The following PKHD1 variants were observed in gnomAD, a reference collection of about 807,000 sequenced individuals.
The protein encoded by PKHD1 is PKHD1 ciliary IPT domain containing fibrocystin/polyductin, also known as fibrocystin.
PKHD1 carries 291 observed loss-of-function variants against 412.0 expected under a neutral mutation model. That is an observed-to-expected ratio of 0.71 (90% CI 0.64 to 0.78). The LOEUF (loss-of-function observed/expected upper bound fraction) is 0.78. Among genes scored for constraint, PKHD1 ranks in the 30% least tolerant of loss-of-function variants. The probability of loss-of-function intolerance (pLI) is 0.00; values close to 1 mark genes in which losing one functional copy is unlikely to be tolerated. For synonymous variants in PKHD1, 1,777 were observed against 1,821.5 expected (o/e 0.98, Z 0.62); for missense variants, 4,825 against 4,950.7 (o/e 0.97, Z 0.76).
chr6:52,069,723 T>C (rs1810314907), intron 10 of PKHD1, among the ~76,000 whole-genome samples, 196 bp from the exon 11 acceptor site: 1 of 152,188 alleles, frequency 6.6e-6, no homozygotes, highest in East Asian at 1.9e-4. Flanking sequence ...AATTATCATA[T>C]GGGAATAATG....
At chr6:52,055,167 T>C (rs1460804193) in intron 19 of PKHD1, among the ~76,000 whole-genome samples, 5 of 152,210 alleles carry the variant, frequency 3.3e-5, no homozygotes, top group Non-Finnish European at 7.3e-5. Flanking sequence ...ATTTAATCTA[T>C]ACCACAGTCC....
chr6:51,645,162 C>A (rs2150353692), intron 63 of PKHD1, among the ~76,000 whole-genome samples: 1 of 152,230 alleles, frequency 6.6e-6, no homozygotes, highest in Non-Finnish European at 1.5e-5. Context: ...ATTATAATTA[C>A]AATACTAACT....
chr6:52,075,664 A>C (rs1811237246), intron 6 of PKHD1, among the ~76,000 whole-genome samples: 1 of 152,198 alleles, frequency 6.6e-6, no homozygotes, highest in African/African-American at 2.4e-5. Flanking sequence ...AAACCCCTAG[A>C]TGAAGACTAG....
chr6:51,921,031 T>G (rs1019361478), intron 37 of PKHD1, among the ~76,000 whole-genome samples: 4 of 152,140 alleles, frequency 2.6e-5, no homozygotes, highest in Admixed American at 2.6e-4. Context: ...CTATTAGTCT[T>G]GCTAGTGGTC....
intron 60 of PKHD1, among the ~76,000 whole-genome samples, chr6:51,722,860 G>A (rs541348603): frequency 2.0e-5 from 3 of 152,000 alleles, no homozygotes; most frequent in South Asian, 2.1e-4. Context: ...TGGAGAAGAC[G>A]TCCCATGAAA....
chr6:51,696,107 T>A (rs1266086170), intron 60 of PKHD1, among the ~76,000 whole-genome samples: 4 of 152,216 alleles, frequency 2.6e-5, no homozygotes, highest in Non-Finnish European at 4.4e-5. Context: ...TTTACAAATA[T>A]GAACATTTAA....
chr6:51,793,450 A>T (rs900318191), intron 52 of PKHD1, among the ~76,000 whole-genome samples: 3 of 152,190 alleles, frequency 2.0e-5, no homozygotes, highest in African/African-American at 7.2e-5. Flanking sequence ...TGCACAGATC[A>T]TCCCATCACT....
intron 25 of PKHD1, among the ~76,000 whole-genome samples, chr6:52,044,377 C>A (rs1320878098): frequency 6.6e-6 from 1 of 152,080 alleles, no homozygotes; most frequent in African/African-American, 2.4e-5. Flanking sequence ...ACAGTGTTTC[C>A]TTATTAAAGG....
At chr6:51,841,564 A>G (rs993782135) in intron 50 of PKHD1, among the ~76,000 whole-genome samples, 1 of 152,214 alleles carries the variant, frequency 6.6e-6, no homozygotes, top group African/African-American at 2.4e-5. Context: ...AATTCTCTAC[A>G]TACTGGTAAA....
Position 51,754,764 on chromosome 6 carries a change from C to A in PKHD1, c.8797+20G>T, listed in dbSNP as rs766264473. Reference sequence around the variant, plus strand: ...TTCCTAGCTCATTCACTTACCTTAACCAACAAACCAAAGCCTTACCAATAT... The same window carrying A: ...TTCCTAGCTCATTCACTTACCTTAAACAACAAACCAAAGCCTTACCAATAT... On this transcript the variant is annotated intron_variant, in intron 56 of 66. Coordinates refer to ENST00000371117, the MANE Select transcript of PKHD1 (RefSeq NM_138694.4). The A allele has an allele frequency of 6.2e-6, 10 of 1,611,030 alleles. No individual in the cohort carries two copies. The Admixed American group carries it at 1.7e-4, about 27-fold the overall frequency.
In PKHD1 at chr6:52,082,502, T is replaced by C. The variant is rs543640706; in HGVS notation, c.171A>G (p.Gln57=). Residue 57 remains glutamine (Q), a synonymous_variant, in exon 4 of 67, where the codon CAA becomes CAG. Coordinates refer to ENST00000371117, the MANE Select transcript of PKHD1 (RefSeq NM_138694.4). ...TCACGTTCACCAGGTGTATCTCCAA[T>C]TGAGAGCCATTGTTGGGGTAAAGAA... ...LGVLYPNNGS[Q]LEIHLVNVNM... is the part of the protein sequence containing the mutation. 2.7e-5 allele frequency: 43 copies of C among 1,614,048 alleles called. No homozygotes were observed. In the South Asian group the frequency reaches 3.8e-4, roughly 14 times the overall value.
chr6:51,847,260 A>ATTTTT (rs981973021), intron 50 of PKHD1, among the ~76,000 whole-genome samples: 3 of 99,992 alleles, frequency 3.0e-5, no homozygotes, highest in Non-Finnish European at 4.1e-5. Context: ...CATGCCCAGC[A>ATTTTT]TTTTTTTTTT....
In PKHD1 at chr6:52,044,706, A is replaced by G. The variant is rs368847754; in HGVS notation, c.2715+260T>C. Among the ~76,000 whole-genome samples the G allele has an allele frequency of 1.1e-4, 17 of 152,374 alleles. No individual in the cohort carries two copies. In the East Asian group the frequency reaches 1.9e-3, roughly 17 times the overall value. Reference sequence around the variant, plus strand: ...GTAGAAGCATAAATCATATTTAGCTATAGAAATTATCAATTTTTTGTACCA... The same window carrying G: ...GTAGAAGCATAAATCATATTTAGCTGTAGAAATTATCAATTTTTTGTACCA... On this transcript the variant is annotated intron_variant, in intron 25 of 66. Coordinates refer to ENST00000371117, the MANE Select transcript of PKHD1 (RefSeq NM_138694.4).
At position 52,025,388 on chromosome 6, in the gene PKHD1, C is replaced by A; in HGVS notation, c.4422G>T (p.Gly1474=). ...LVNGLTSECQ[G]NCTLFIREEA... is the part of the protein sequence containing the mutation. ...CTTCCCTTATGAAAAGAGTGCAATT[C>A]CCCTGACACTCGCTGGTTAGCCCAT... Residue 1474 remains glycine (G), a synonymous_variant, in exon 32 of 67, where the codon GGG becomes GGT. Coordinates refer to ENST00000371117, the MANE Select transcript of PKHD1 (RefSeq NM_138694.4). 1 of 1,611,698 alleles carries A rather than the reference C, an allele frequency of 6.2e-7. No homozygotes were observed. Among genetic ancestry groups the A allele is most frequent in the Non-Finnish European group, 8.5e-7 (1 of 1,178,190 alleles).
chr6:52,058,248 C>CA, intron 16 of PKHD1, 75 bp downstream of exon 16: 1 of 1,488,662 alleles, frequency 6.7e-7, no homozygotes, highest in Non-Finnish European at 9.4e-7. Context: ...GCCAGACTCC[C>CA]AGTCAGTGCT....
rs764409182 is a variant in PKHD1, at chr6:51,909,453, TACAAA to T, written c.6507_6511del (p.Cys2169Ter). 3.7e-6 allele frequency: 6 copies of T among 1,613,224 alleles called. No homozygotes were observed. Among genetic ancestry groups the T allele is most frequent in the Non-Finnish European group, 5.1e-6 (6 of 1,179,384 alleles). On this transcript the variant is annotated stop_gained and frameshift_variant, in exon 40 of 67. Coordinates refer to ENST00000371117, the MANE Select transcript of PKHD1 (RefSeq NM_138694.4). LOFTEE classifies it high-confidence loss of function. Reference sequence around the variant, plus strand: ...TCCTAGCATCTTCTCACTCATGGAATACAAACAGTGCTGCAGATTACCTGAAATGC... The same window carrying T: ...TCCTAGCATCTTCTCACTCATGGAATCAGTGCTGCAGATTACCTGAAATGC...
chr6:51,632,273 A>C (rs1322246760), intron 65 of PKHD1, among the ~76,000 whole-genome samples: 1 of 151,894 alleles, frequency 6.6e-6, no homozygotes, highest in East Asian at 1.9e-4. Flanking sequence ...CACCCACCTC[A>C]TTGGGTTGTT....
At chr6:52,037,480 A>G (rs1581880610) in intron 27 of PKHD1, among the ~76,000 whole-genome samples, 1 of 152,330 alleles carries the variant, frequency 6.6e-6, no homozygotes, top group East Asian at 1.9e-4. Flanking sequence ...TGCTCTTTAA[A>G]ATCAGTAAGA....
intron 60 of PKHD1, among the ~76,000 whole-genome samples, chr6:51,692,261 T>TCACACACACACA (rs3061680): frequency 0.041 from 5,977 of 147,476 alleles, 174 homozygotes; most frequent in Middle Eastern, 0.1. Flanking sequence ...ATCACATAAT[T>TCACACACACACA]CACACACACA....
Sources: gnomAD v4.1 joint callset for allele counts (sites outside exome capture counted in the v4.1 genomes callset) on GRCh38, gnomAD v4.1.1 for gene constraint, MANE v1.5 for transcripts, NCBI Gene and HGNC (gene_info 2026-07-23, HGNC 2026-07-21) for gene names.